The following KCNAB2 variants were observed in gnomAD, a reference collection of about 807,000 sequenced individuals.
The protein encoded by KCNAB2 is potassium voltage-gated channel subfamily A regulatory beta subunit 2, also known as voltage-gated potassium channel subunit beta-2.
In KCNAB2, 29 loss-of-function variants were observed where a neutral mutation model predicts 63.6. The observed-to-expected ratio is 0.46, with a 90% confidence interval of 0.34 to 0.62. The LOEUF is 0.62. Among genes scored for constraint, KCNAB2 ranks in the 20% least tolerant of loss-of-function variants. KCNAB2 has a pLI of 0.01. For missense variants in KCNAB2, 359 were observed against 563.9 expected (o/e 0.64, Z 3.68); for synonymous variants, 222 against 224.2 (o/e 0.99, Z 0.09).
rs1489957633 is a variant in KCNAB2 at position 6,098,749 on chromosome 1, C to T, written c.*175C>T. 6 of 775,274 alleles carry T rather than the reference C, an allele frequency of 7.7e-6. No individual in the cohort carries two copies. Among genetic ancestry groups the T allele is most frequent in the South Asian group, 5.5e-5 (3 of 54,474 alleles). The allele number at this position is 775,274 out of a possible 1,614,324, so 48.0% of individuals were successfully genotyped here. ...CGCTGCCAGACACCACCCACTGCTTCGCCGGACAATGTCGAAGTCCAGTCT... is the reference window on the plus strand; with the variant it reads ...CGCTGCCAGACACCACCCACTGCTTTGCCGGACAATGTCGAAGTCCAGTCT... On this transcript the variant is annotated 3_prime_UTR_variant, in exon 16 of 16. Coordinates refer to ENST00000378083, the MANE Select transcript of KCNAB2 (RefSeq NM_001199862.2).
chr1:6,096,581 G>A lies in KCNAB2; in HGVS notation c.949-55G>A, dbSNP rs1016613196. ...GCCCATCGGCCCCCTGCACGTGGGG[G>A]TCCAGGTGACCTGCTCTCATCTGTA... On this transcript the variant is annotated intron_variant, in intron 13 of 15. Coordinates refer to ENST00000378083, the MANE Select transcript of KCNAB2 (RefSeq NM_001199862.2). The surrounding 1 kb of genome is among the most constrained non-coding windows in gnomAD (Gnocchi z 5.9). 64 of 1,568,752 alleles carry A rather than the reference G, an allele frequency of 4.1e-5. No homozygotes were observed. The African/African-American group carries it at 7.3e-4, about 18-fold the overall frequency.
At position 6,073,758 on chromosome 1, in the gene KCNAB2, G is replaced by C. The variant is rs925725780; in HGVS notation, c.288G>C (p.Gln96His). The C allele has an allele frequency of 6.2e-7, 1 of 1,614,194 alleles. No individual in the cohort carries two copies. The highest frequency in any genetic ancestry group is 1.3e-5 in the African/African-American group (1 of 75,070). ...GLGTWVTFGGQITDEMAEQLM... is the reference protein window; with the variant it reads ...GLGTWVTFGGHITDEMAEQLM... ...GAACATGGGTGACCTTCGGAGGCCA[G>C]ATCACCGATGAGGTAAGATGGGGCT... The change falls in exon 4 of 16, where the codon CAG becomes CAC. Residue 96 changes from glutamine (Q) to histidine (H), a missense_variant. Transcript: ENST00000378083. This position sits in a 1 kb window ranked among gnomAD's most constrained non-coding sequence, Gnocchi z 5.7.
At chr1:6,080,944 G>A (rs1388044191) in intron 4 of KCNAB2, among the ~76,000 whole-genome samples, 1 of 152,168 alleles carries the variant, frequency 6.6e-6, no homozygotes, top group Non-Finnish European at 1.5e-5. Context: ...CTTGTTGCTG[G>A]TGAGGCCCAG....
intron 2 of KCNAB2, among the ~76,000 whole-genome samples, chr1:6,060,778 C>T (rs1424514100): frequency 6.6e-6 from 1 of 152,056 alleles, no homozygotes; most frequent in Admixed American, 6.6e-5. Context: ...TGGCACGTGC[C>T]TGTAGTCTCA....
intron 4 of KCNAB2, among the ~76,000 whole-genome samples, chr1:6,081,257 G>A (rs1664186105): frequency 6.6e-6 from 1 of 152,256 alleles, no homozygotes; most frequent in South Asian, 2.1e-4. Flanking sequence ...CCGGGAGTAT[G>A]TGCCGTTGGA....
chr1:6,071,545 A>C lies in KCNAB2; in HGVS notation c.219-1210A>C, dbSNP rs1663185134. ...ACCATGGTGGGGAACGTGAGCTGGC[A>C]GCCAACTGCCTGGGTGGGATCCAGC... is the stretch of plus-strand genomic sequence containing the variant. On this transcript the variant is annotated intron_variant, in intron 2 of 15. Transcript: ENST00000378083. This position sits in a 1 kb window ranked among gnomAD's most constrained non-coding sequence, Gnocchi z 8.5. Among the ~76,000 whole-genome samples, 1 of 152,204 alleles carries C rather than the reference A, an allele frequency of 6.6e-6. No homozygotes were observed. Among genetic ancestry groups the C allele is most frequent in the African/African-American group, 2.4e-5 (1 of 41,454 alleles).
chr1:6,055,463 C>G (rs532617338), intron 2 of KCNAB2, among the ~76,000 whole-genome samples: 3 of 149,754 alleles, frequency 2.0e-5, no homozygotes. Context: ...TCAAGCGATT[C>G]TCCTGCCTCA....
chr1:6,044,067 T>A (rs1660722601), upstream of KCNAB2, among the ~76,000 whole-genome samples: 1 of 152,184 alleles, frequency 6.6e-6, no homozygotes, highest in African/African-American at 2.4e-5. Context: ...CAGGGTCTCT[T>A]ACGGCCTATG....
intron 10 of KCNAB2, among the ~76,000 whole-genome samples, chr1:6,093,583 C>T (rs771977051): frequency 2.6e-4 from 40 of 152,186 alleles, no homozygotes; most frequent in Non-Finnish European, 5.7e-4. Flanking sequence ...TAGGAGTCTC[C>T]GCCGTCCACG....
At chr1:5,993,619 G>A (rs1056097025) in intron 1 of KCNAB2, among the ~76,000 whole-genome samples, 1 of 152,088 alleles carries the variant, frequency 6.6e-6, no homozygotes. Flanking sequence ...CCAACCAGCC[G>A]CATCCTGGTG....
Position 6,051,528 on chromosome 1 carries a change from G to C in KCNAB2, c.-9G>C. ...CTGGACAGTGGCAGCTCCCAAGCCA[G>C]GCGGCACCATGCTGTCCATGACGTA... On this transcript the variant is annotated 5_prime_UTR_variant, in exon 2 of 16. Transcript: ENST00000378083. 1.3e-6 allele frequency: 2 copies of C among 1,510,676 alleles called. No homozygotes were observed. The highest frequency in any genetic ancestry group is 2.4e-5 in the South Asian group (2 of 81,772). 93.6% of individuals were successfully genotyped at this position (1,510,676 alleles called of 1,614,324 possible).
intron 1 of KCNAB2, among the ~76,000 whole-genome samples, chr1:6,005,586 C>T (rs1198838780): frequency 1.3e-5 from 2 of 151,886 alleles, no homozygotes; most frequent in African/African-American, 4.8e-5. Context: ...CAACCTGGGT[C>T]CCCTCTCTCC....
At chr1:6,084,911 G>A (rs547982644) in intron 5 of KCNAB2, among the ~76,000 whole-genome samples, 22 of 152,288 alleles carry the variant, frequency 1.4e-4, no homozygotes, top group African/African-American at 3.1e-4. Context: ...TGGGATGCTC[G>A]ACAGCAGCTC....
At chr1:6,042,899 G>A (rs916407586), upstream of KCNAB2, among the ~76,000 whole-genome samples, 1 of 134,886 alleles carries the variant, frequency 7.4e-6, no homozygotes, top group African/African-American at 2.8e-5. Flanking sequence ...GGACCTAGAT[G>A]CTCAGAGTGA....
intron 11 of KCNAB2, 48 bp from the exon 12 acceptor site, chr1:6,095,275 C>A: frequency 6.4e-7 from 1 of 1,557,506 alleles, no homozygotes; most frequent in Non-Finnish European, 8.7e-7. Flanking sequence ...GGCAGCCTCC[C>A]GCCTGCTCAC....
chr1:6,088,112 C>T (rs1379815589), intron 7 of KCNAB2, among the ~76,000 whole-genome samples: 3 of 151,516 alleles, frequency 2.0e-5, no homozygotes, highest in South Asian at 2.1e-4. Flanking sequence ...CAGGTTGGAG[C>T]GCAGTGCCAC....
upstream of KCNAB2, among the ~76,000 whole-genome samples, chr1:6,042,829 C>A (rs1473102605): frequency 1.7e-5 from 1 of 59,272 alleles, no homozygotes. Flanking sequence ...TCTCTCCCCG[C>A]GCCCCCACTC....
intron 8 of KCNAB2, among the ~76,000 whole-genome samples, chr1:6,089,756 G>A (rs576635694): frequency 3.3e-5 from 5 of 152,296 alleles, no homozygotes; most frequent in Non-Finnish European, 5.9e-5. Context: ...GGAGTGCAGC[G>A]GCACGATCTT....
At chr1:6,082,152 C>T in intron 4 of KCNAB2, 43 bp from the exon 5 acceptor site, 1 of 1,554,978 alleles carries the variant, frequency 6.4e-7, no homozygotes, top group South Asian at 1.1e-5. Context: ...GCCTCTGGGC[C>T]CCACCCCCGG....
Sources: gnomAD v4.1 joint callset for allele counts (sites outside exome capture counted in the v4.1 genomes callset) on GRCh38, gnomAD v4.1.1 for gene constraint, Gnocchi (gnomAD v3.1) non-coding constraint, MANE v1.5 for transcripts, NCBI Gene and HGNC (gene_info 2026-07-23, HGNC 2026-07-21) for gene names.